ARVCF: variants seen among roughly 807,000 people sequenced by gnomAD.
ARVCF encodes the protein splicing regulator ARVCF.
Under a neutral mutation model 90.9 loss-of-function variants are expected in ARVCF, and 66 were observed. The ratio of observed to expected loss-of-function variants is 0.73; its 90% CI spans 0.60 to 0.89. The LOEUF (loss-of-function observed/expected upper bound fraction) is 0.89. Among genes scored for constraint, ARVCF ranks in the 40% least tolerant of loss-of-function variants. The pLI is 0.00. For synonymous variants in ARVCF, 653 were observed against 603.4 expected (o/e 1.08, Z -1.21); for missense variants, 1,469 against 1,382.3 (o/e 1.06, Z -1.00).
intron 2 of ARVCF, among the ~76,000 whole-genome samples, chr22:20,006,695 G>A (rs1292596987): frequency 6.7e-5 from 10 of 149,640 alleles, no homozygotes; most frequent in African/African-American, 2.0e-4. Flanking sequence ...GCAGTGGCGC[G>A]ATCTCGGCTC....
intron 2 of ARVCF, among the ~76,000 whole-genome samples, chr22:19,993,088 G>A (rs1421607059): frequency 6.6e-6 from 1 of 152,218 alleles, no homozygotes; most frequent in African/African-American, 2.4e-5. Context: ...GGAGAGCAGA[G>A]ACCTTGGTGC....
chr22:20,013,131 A>C (rs1278703170), intron 1 of ARVCF, among the ~76,000 whole-genome samples: 2 of 152,270 alleles, frequency 1.3e-5, no homozygotes, highest in Non-Finnish European at 2.9e-5. Flanking sequence ...TGGCCAGTGG[A>C]CAGGGAAGGT....
Position 19,970,558 on chromosome 22 carries a change from G to A in ARVCF, c.*198C>T, listed in dbSNP as rs1217460614. On this transcript the variant is annotated 3_prime_UTR_variant, in exon 20 of 20. Transcript: ENST00000263207. The stretch of plus-strand genomic sequence containing the variant: ...TCAGTAAACAGCTAACTCAGGCCTA[G>A]GGAGTTAGGTAGGATGGGGGGAGTG... 7.4e-6 allele frequency: 9 copies of A among 1,209,234 alleles called. No individual in the cohort carries two copies. Among genetic ancestry groups the A allele is most frequent in the Non-Finnish European group, 8.4e-6 (8 of 952,450 alleles). 74.9% of individuals were successfully genotyped at this position (1,209,234 alleles called of 1,614,324 possible).
chr22:19,970,607 C>CAG lies in ARVCF; in HGVS notation c.*148_*149insCT. The CAG allele has an allele frequency of 7.9e-7, 1 of 1,261,758 alleles. No individual in the cohort carries two copies. The highest frequency in any genetic ancestry group is 2.8e-4 in the Middle Eastern group (1 of 3,566). 78.2% of individuals were successfully genotyped at this position (1,261,758 alleles called of 1,614,324 possible). On this transcript the variant is annotated 3_prime_UTR_variant, in exon 20 of 20. Transcript: ENST00000263207. Reference sequence around the variant, plus strand: ...TGGGGTGGGGGGGCAGGAGGGTGTCCCCAAAGTCAGGCTTGGCTGGGGCGA... The same window carrying CAG: ...TGGGGTGGGGGGGCAGGAGGGTGTCCAGCCAAAGTCAGGCTTGGCTGGGGCGA...
chr22:20,016,124 G>A (rs1413710879), intron 1 of ARVCF, among the ~76,000 whole-genome samples: 1 of 152,108 alleles, frequency 6.6e-6, no homozygotes, highest in African/African-American at 2.4e-5. Flanking sequence ...CCTCCGGGCC[G>A]TCGGTGCCCC....
At chr22:19,985,301 T>C (rs917478) in intron 3 of ARVCF, among the ~76,000 whole-genome samples, 63,227 of 152,040 alleles carry the variant, frequency 0.42, 13,857 homozygotes, top group African/African-American at 0.55. Flanking sequence ...CTTCAATCTC[T>C]GGTGCACCAG....
At chr22:20,000,567 TG>T (rs1388883733) in intron 2 of ARVCF, among the ~76,000 whole-genome samples, 1 of 151,904 alleles carries the variant, frequency 6.6e-6, no homozygotes, top group Non-Finnish European at 1.5e-5. Context: ...TACAAAGAGG[TG>T]GGAGAAGTGC....
intron 1 of ARVCF, among the ~76,000 whole-genome samples, chr22:20,014,450 C>T (rs1944950509): frequency 1.3e-5 from 2 of 152,268 alleles, no homozygotes; most frequent in South Asian, 4.1e-4. Context: ...CTGCCTTGGC[C>T]TCCCAAAGTG....
intron 2 of ARVCF, among the ~76,000 whole-genome samples, chr22:20,002,654 G>C (rs1295978728): frequency 6.6e-6 from 1 of 152,170 alleles, no homozygotes; most frequent in African/African-American, 2.4e-5. Flanking sequence ...AAGAATTCAG[G>C]AGTAAATGAG....
chr22:19,990,018 G>A (rs1240000400), intron 3 of ARVCF, among the ~76,000 whole-genome samples: 2 of 152,202 alleles, frequency 1.3e-5, no homozygotes, highest in Admixed American at 6.5e-5. Flanking sequence ...CTGGGAATGG[G>A]GTGTCCCAGT....
downstream of ARVCF, among the ~76,000 whole-genome samples, chr22:19,966,772 T>C (rs979751891): frequency 3.4e-5 from 5 of 148,868 alleles, no homozygotes; most frequent in African/African-American, 1.2e-4. Context: ...CGAGACAGTC[T>C]CTCGCTCTGT....
chr22:19,983,332 G>A (rs1260403786), intron 3 of ARVCF, among the ~76,000 whole-genome samples: 1 of 152,224 alleles, frequency 6.6e-6, no homozygotes, highest in Non-Finnish European at 1.5e-5. Context: ...GCTCTGCCAG[G>A]CTCCAGAGGC....
intron 5 of ARVCF, chr22:19,980,995 T>C: frequency 3.5e-6 from 2 of 579,310 alleles, no homozygotes; most frequent in Non-Finnish European, 2.8e-6. Flanking sequence ...TCTTCCCAGC[T>C]TTCCTGGGCC....
rs745686717 is a variant in ARVCF, at chr22:19,981,697, C to T, written c.410G>A (p.Arg137His). The T allele has an allele frequency of 2.3e-5, 37 of 1,593,604 alleles. No individual in the cohort carries two copies. The highest frequency in any genetic ancestry group is 7.9e-5 in the South Asian group (7 of 88,144). The change falls in exon 5 of 20, where the codon CGC (arginine) becomes CAC (histidine). Residue 137 changes from arginine (R) to histidine (H), a missense_variant. By Grantham distance (29) the Arg-to-His change is conservative. Transcript: ENST00000263207. ...TCCATCTGGGCCCACGGGCACCTGG[C>T]GTACTGTCCGAGTGGTCACCGTCTT... ...TVKTVTTRTV[R>H]QVPVGPDGLP...
chr22:19,977,236 A>G (rs1250938306), intron 9 of ARVCF, among the ~76,000 whole-genome samples, 179 bp downstream of exon 9: 2 of 152,192 alleles, frequency 1.3e-5, no homozygotes, highest in South Asian at 4.1e-4. Flanking sequence ...CCTGGGTCCC[A>G]TCAACCATGT....
At chr22:19,969,736 T>G, downstream of ARVCF, 1 of 751,886 alleles carries the variant, frequency 1.3e-6, no homozygotes, top group Non-Finnish European at 1.6e-6. Context: ...AGTGGACAAG[T>G]TTGGGGCCAC....
At chr22:20,016,309 G>A (rs1366109484) in intron 1 of ARVCF, among the ~76,000 whole-genome samples, 5 of 152,214 alleles carry the variant, frequency 3.3e-5, no homozygotes, top group Admixed American at 1.3e-4. Context: ...CAAGACGCCC[G>A]GACGGGTAGG....
chr22:20,000,181 G>A (rs757509177), intron 2 of ARVCF, among the ~76,000 whole-genome samples: 1 of 152,216 alleles, frequency 6.6e-6, no homozygotes, highest in Non-Finnish European at 1.5e-5. Context: ...CATATGCAGG[G>A]AGGTTCCATG....
chr22:19,967,511 C>G, downstream of ARVCF: 1 of 401,872 alleles, frequency 2.5e-6, no homozygotes, highest in South Asian at 1.9e-5. Context: ...GGTGTCCATA[C>G]TGTCACATGA....
Sources: allele counts gnomAD v4.1 joint callset (sites outside exome capture counted in the v4.1 genomes callset), GRCh38; gene constraint gnomAD v4.1.1; transcripts MANE v1.5; gene names NCBI Gene and HGNC (gene_info 2026-07-23, HGNC 2026-07-21).